ABCA4: variants seen among roughly 807,000 people sequenced by gnomAD.
ABCA4 encodes the protein ATP binding cassette subfamily A member 4.
In ABCA4, 196 loss-of-function variants were observed where a neutral mutation model predicts 263.7. The ratio of observed to expected loss-of-function variants is 0.74; its 90% confidence interval spans 0.66 to 0.84. ABCA4 has a LOEUF of 0.84. Among genes scored for constraint, ABCA4 ranks in the 40% least tolerant of loss-of-function variants. ABCA4 has a pLI of 0.00. For missense variants in ABCA4, 2,792 were observed against 2,855.1 expected (o/e 0.98, Z 0.50); for synonymous variants, 1,133 against 1,094.2 (o/e 1.04, Z -0.70).
chr1:94,043,499 A>C, intron 20 of ABCA4, 24 bp from the exon 21 acceptor site: 8 of 1,614,078 alleles, frequency 5.0e-6, no homozygotes, highest in Non-Finnish European at 6.8e-6. Flanking sequence ...ACAACGAGAA[A>C]AGCAGTGGCT....
chr1:94,007,401 T>TGGAAA (rs1278480053), intron 43 of ABCA4, among the ~76,000 whole-genome samples: 1 of 152,218 alleles, frequency 6.6e-6, no homozygotes, highest in African/African-American at 2.4e-5. Context: ...TCCCAGGTCT[T>TGGAAA]TCCAAGAATC....
chr1:94,120,887 G>GGCCCCCCCCCCCCC, intron 1 of ABCA4, 93 bp downstream of exon 1: 2 of 339,360 alleles, frequency 5.9e-6, no homozygotes, highest in Non-Finnish European at 1.1e-5. Flanking sequence ...CCCCCACCCT[G>GGCCCCCCCCCCCCC]CCCCACCACC....
At chr1:94,025,878 C>T (rs1403398429) in intron 30 of ABCA4, among the ~76,000 whole-genome samples, 1 of 152,128 alleles carries the variant, frequency 6.6e-6, no homozygotes, top group South Asian at 2.1e-4. Context: ...GCTGTTGTGT[C>T]CCCAGCACCC....
At chr1:94,008,968 T>G in intron 40 of ABCA4, 97 bp from the exon 41 acceptor site, 1 of 1,541,242 alleles carries the variant, frequency 6.5e-7, no homozygotes. Context: ...TGCTTCTGCT[T>G]CCTTCTGGGC....
chr1:94,079,835 T>C (rs1021126879), intron 8 of ABCA4, among the ~76,000 whole-genome samples: 1 of 152,164 alleles, frequency 6.6e-6, no homozygotes, highest in African/African-American at 2.4e-5. Flanking sequence ...CCTCAGTAAT[T>C]TCCCTTCAAT....
In ABCA4 at chr1:94,021,258, T is replaced by C. The variant is rs779222611; in HGVS notation, c.5000A>G (p.Gln1667Arg). Residue 1667 changes from glutamine (Q) to arginine (R), a missense_variant, in exon 35 of 50, where the codon CAG (glutamine) becomes CGG (arginine). Transcript: ENST00000370225. Reference protein sequence around the residue: ...ISQPLNLTKEQLSEITVLTTS... With the variant: ...ISQPLNLTKERLSEITVLTTS... Reference sequence around the variant, plus strand: ...GGCTTACACTGTAATCTCTGAGAGCTGCTCCTTGGTCAGGTTCAGGGGTTG... The same window carrying C: ...GGCTTACACTGTAATCTCTGAGAGCCGCTCCTTGGTCAGGTTCAGGGGTTG... 1.9e-5 allele frequency: 30 copies of C among 1,614,106 alleles called. No individual in the cohort carries two copies. In the African/African-American group the frequency reaches 3.1e-4, roughly 17 times the overall value.
intron 11 of ABCA4, 116 bp downstream of exon 11, chr1:94,077,574 C>G: frequency 2.0e-6 from 2 of 981,072 alleles, no homozygotes; most frequent in Non-Finnish European, 3.0e-6. Flanking sequence ...ATTCTTGTTT[C>G]TTCAGTGGGG....
chr1:94,048,881 T>A lies in ABCA4; in HGVS notation c.2730A>T (p.Pro910=). ...TCGGGGTTTTACCGTGTATTCCTTC[T>A]GGGTGCTCTGGATCCTCCGTTTCCT... The part of the protein sequence containing the change: ...LTEETEDPEH[P]EGIHDSFFER... Residue 910 remains proline, a synonymous_variant, in exon 18 of 50, where the codon CCA becomes CCT. Coordinates refer to ENST00000370225, the MANE Select transcript of ABCA4 (RefSeq NM_000350.3). 1 of 1,614,190 alleles carries A rather than the reference T, an allele frequency of 6.2e-7. No homozygotes were observed. The highest frequency in any genetic ancestry group is 1.3e-5 in the African/African-American group (1 of 75,060).
Position 94,036,754 on chromosome 1 carries a change from C to T in ABCA4, c.3848G>A (p.Gly1283Glu). 1 of 1,614,050 alleles carries T rather than the reference C, an allele frequency of 6.2e-7. No homozygotes were observed. Among genetic ancestry groups the T allele is most frequent in the Non-Finnish European group, 8.5e-7 (1 of 1,179,988 alleles). The change falls in exon 26 of 50, where the codon GGA (glycine) becomes GAA (glutamate). Residue 1283 changes from glycine (G) to glutamate (E), a missense_variant. By Grantham distance (98) the Gly-to-Glu change is moderately conservative. Coordinates refer to ENST00000370225, the MANE Select transcript of ABCA4 (RefSeq NM_000350.3). The stretch of plus-strand genomic sequence containing the variant: ...CAGCACCATACCCGCAAACAGAGGT[C>T]CTGAATCAGAATCCTCCGTGACCTT... ...FLKVTEDSDS[G>E]PLFAGGAQQK... is the part of the protein sequence containing the mutation.
rs777239290 is a variant in ABCA4, at chr1:94,040,073, C to T, written c.3577G>A (p.Asp1193Asn). The T allele has an allele frequency of 6.8e-6, 11 of 1,609,124 alleles. No homozygotes were observed. The highest frequency in any genetic ancestry group is 4.5e-5 in the East Asian group (2 of 44,842). The change falls in exon 24 of 50, where the codon GAT becomes AAT. Residue 1193 changes from aspartate (D) to asparagine (N), a missense_variant. Coordinates refer to ENST00000370225, the MANE Select transcript of ABCA4 (RefSeq NM_000350.3). ...AGGACTTGTTCTGGAGTTAGGTCAT[C>T]GACGTGGGCTGGACACGTGGTGGAG... Reference protein sequence around the residue: ...GFSTTCPAHVDDLTPEQVLDG... With the variant: ...GFSTTCPAHVNDLTPEQVLDG...
Position 94,015,359 on chromosome 1 carries a change from C to T in ABCA4, c.5312+380G>A, listed in dbSNP as rs181262630. Among the ~76,000 whole-genome samples, 701 of 152,294 alleles carry T rather than the reference C, an allele frequency of 4.6e-3. 1 individual carries two copies. The highest frequency in any genetic ancestry group is 7.9e-3 in the Non-Finnish European group (537 of 68,022). On this transcript the variant is annotated intron_variant, in intron 37 of 49. Transcript: ENST00000370225. Reference sequence around the variant, plus strand: ...GAGTCTTCTACTGTGGGCGGTAACTCTTGGCCAGTTCACATGGGGACACTG... The same window carrying T: ...GAGTCTTCTACTGTGGGCGGTAACTTTTGGCCAGTTCACATGGGGACACTG...
rs575453437 is a variant in ABCA4, at chr1:94,060,674, C to T, written c.2023G>A (p.Val675Ile). 3.1e-5 allele frequency: 50 copies of T among 1,614,116 alleles called. No homozygotes were observed. In the Admixed American group the frequency reaches 3.3e-4, roughly 11 times the overall value. The change falls in exon 14 of 50, where the codon GTC becomes ATC. Residue 675 changes from valine (V) to isoleucine (I), a missense_variant. Coordinates refer to ENST00000370225, the MANE Select transcript of ABCA4 (RefSeq NM_000350.3). The stretch of plus-strand genomic sequence containing the variant: ...TTCAGTCGCAACTCCTTCTCCAAGA[C>T]GATGCTCTTCACAGTCATGGAGACA... ...YSVSMTVKSIVLEKELRLKET... is the reference protein window; with the variant it reads ...YSVSMTVKSIILEKELRLKET...
At chr1:94,001,692 GA>G (rs1266405319) in intron 45 of ABCA4, 165 bp downstream of exon 45, 1 of 1,032,092 alleles carries the variant, frequency 9.7e-7, no homozygotes, top group East Asian at 2.6e-5. Flanking sequence ...GGAGCTGTGT[GA>G]ACCAAACACT....
At chr1:94,097,190 C>G (rs1485736175) in intron 6 of ABCA4, among the ~76,000 whole-genome samples, 1 of 152,174 alleles carries the variant, frequency 6.6e-6, no homozygotes, top group South Asian at 2.1e-4. Context: ...GTCCTGGGCT[C>G]TCACTGATGG....
chr1:94,030,555 C>T (rs1660171227), intron 28 of ABCA4, 29 bp from the exon 29 acceptor site: 1 of 1,604,064 alleles, frequency 6.2e-7, no homozygotes, highest in South Asian at 1.1e-5. Flanking sequence ...GTGACTGGGA[C>T]AGAGCAGGCG....
At chr1:94,114,880 G>T (rs1268215888) in intron 1 of ABCA4, among the ~76,000 whole-genome samples, 1 of 152,204 alleles carries the variant, frequency 6.6e-6, no homozygotes, top group African/African-American at 2.4e-5. Context: ...CCTGAGGACA[G>T]GAACCTCATC....
chr1:94,093,989 T>C (rs1662047173), intron 6 of ABCA4, among the ~76,000 whole-genome samples: 1 of 152,252 alleles, frequency 6.6e-6, no homozygotes, highest in South Asian at 2.1e-4. Flanking sequence ...ACAGCCCTGC[T>C]GTTCCCTGGT....
Position 94,037,298 on chromosome 1 carries a change from C to A in ABCA4, c.3660G>T (p.Lys1220Asn). 1 of 1,614,234 alleles carries A rather than the reference C, an allele frequency of 6.2e-7. No homozygotes were observed. The change falls in exon 25 of 50, where the codon AAG (lysine) becomes AAT (asparagine). Residue 1220 changes from lysine (K) to asparagine (N), a missense_variant. Coordinates refer to ENST00000370225, the MANE Select transcript of ABCA4 (RefSeq NM_000350.3). ...GTTCTTGACCAATGCACTCCACCAG[C>A]TTTGCCTCTGGAACATGGTGGAGAA... ...DVVLHHVPEA[K>N]LVECIGQELI...
intron 49 of ABCA4, among the ~76,000 whole-genome samples, chr1:93,994,480 A>G (rs1658944928): frequency 6.6e-6 from 1 of 152,216 alleles, no homozygotes; most frequent in South Asian, 2.1e-4. Context: ...CAAGTTGTAA[A>G]TTCTCTCTAA....
Sources: gnomAD v4.1 joint callset for allele counts (sites outside exome capture counted in the v4.1 genomes callset) on GRCh38, gnomAD v4.1.1 for gene constraint, MANE v1.5 for transcripts, NCBI Gene and HGNC (gene_info 2026-07-23, HGNC 2026-07-21) for gene names.